Variants in DAPK1 observed in about 807,000 individuals in gnomAD.
The protein encoded by DAPK1 is death-associated protein kinase 1.
DAPK1 carries 56 observed loss-of-function variants against 144.9 expected under a neutral mutation model. That is an observed-to-expected ratio of 0.39 (90% CI 0.31 to 0.48). DAPK1 has a LOEUF of 0.48. Among genes scored for constraint, DAPK1 ranks in the 20% least tolerant of loss-of-function variants. The pLI is 0.95. For synonymous variants in DAPK1, 690 were observed against 749.0 expected, an observed-to-expected ratio of 0.92 and a Z score of 1.29; for missense variants, 1,454 against 1,875.4, an observed-to-expected ratio of 0.78 and a Z score of 4.15.
At position 87,647,337 on chromosome 9, in the gene DAPK1, G is replaced by A. The variant is rs1244348859; in HGVS notation, c.1263G>A (p.Arg421=). The change falls in exon 14 of 26, where the codon CGG becomes CGA. Residue 421 remains arginine, a synonymous_variant. Coordinates refer to ENST00000408954, the MANE Select transcript of DAPK1 (RefSeq NM_004938.4). Reference sequence around the variant, plus strand: ...CCAATGCCGTCTACTGGGCTGCTCGGCATGGCCACGTCGATACCTTGAAAT... The same window carrying A: ...CCAATGCCGTCTACTGGGCTGCTCGACATGGCCACGTCGATACCTTGAAAT... ...GGSNAVYWAA[R]HGHVDTLKFL... The A allele has an allele frequency of 6.2e-7, 1 of 1,614,026 alleles. No individual in the cohort carries two copies. Among genetic ancestry groups the A allele is most frequent in the Admixed American group, 1.7e-5 (1 of 60,010 alleles).
intron 20 of DAPK1, among the ~76,000 whole-genome samples, chr9:87,684,386 C>T (rs1358205826): frequency 6.6e-6 from 1 of 152,120 alleles, no homozygotes; most frequent in African/African-American, 2.4e-5. Flanking sequence ...GTGACCTCTC[C>T]TAGAATTGTC....
chr9:87,508,166 G>A (rs1454578478), intron 2 of DAPK1, among the ~76,000 whole-genome samples: 1 of 147,056 alleles, frequency 6.8e-6, no homozygotes. Flanking sequence ...CACCCGCCAC[G>A]ACGCCCGGCT....
intron 2 of DAPK1, among the ~76,000 whole-genome samples, chr9:87,561,501 G>A (rs1322862017): frequency 6.6e-6 from 1 of 151,102 alleles, no homozygotes; most frequent in African/African-American, 2.4e-5. Flanking sequence ...ACTCCAGCCT[G>A]GGCGACAGAG....
chr9:87,683,460 G>A (rs1824718325), intron 20 of DAPK1, among the ~76,000 whole-genome samples: 1 of 152,188 alleles, frequency 6.6e-6, no homozygotes, highest in Non-Finnish European at 1.5e-5. Context: ...CGCTCCTGCT[G>A]TGGTTAAGGG....
chr9:87,704,124 C>T (rs1825552152), intron 25 of DAPK1, among the ~76,000 whole-genome samples: 1 of 152,204 alleles, frequency 6.6e-6, no homozygotes, highest in Non-Finnish European at 1.5e-5. Flanking sequence ...GCAGTAATTT[C>T]ATCAGCCTTT....
chr9:87,632,922 A>ATATAT (rs1564033114), intron 3 of DAPK1: 1 of 923,294 alleles, frequency 1.1e-6, no homozygotes, highest in African/African-American at 1.9e-5. Context: ...ATATATATAT[A>ATATAT]AATGAAGGGT....
intron 3 of DAPK1, among the ~76,000 whole-genome samples, chr9:87,614,410 G>C (rs1364049472): frequency 3.9e-5 from 6 of 152,196 alleles, no homozygotes; most frequent in African/African-American, 1.4e-4. Context: ...CCATGATCGT[G>C]GTTAAAGTTT....
intron 2 of DAPK1, among the ~76,000 whole-genome samples, chr9:87,544,275 C>A (rs1826157599): frequency 6.6e-6 from 1 of 152,096 alleles, no homozygotes; most frequent in Non-Finnish European, 1.5e-5. Flanking sequence ...CAACATAATT[C>A]ATTATCTAAA....
At chr9:87,667,043 G>A (rs1157266994) in intron 18 of DAPK1, among the ~76,000 whole-genome samples, 1 of 152,192 alleles carries the variant, frequency 6.6e-6, no homozygotes, top group Non-Finnish European at 1.5e-5. Flanking sequence ...CAGTGTCTGT[G>A]TGGGAGCTGG....
intron 2 of DAPK1, among the ~76,000 whole-genome samples, chr9:87,546,671 C>T (rs563536862): frequency 2.0e-5 from 3 of 152,262 alleles, no homozygotes; most frequent in South Asian, 2.1e-4. Flanking sequence ...GGTGACAAGA[C>T]GAATGAGCCT....
chr9:87,657,920 C>T, intron 17 of DAPK1, 109 bp from the exon 18 acceptor site: 2 of 709,740 alleles, frequency 2.8e-6, no homozygotes, highest in Non-Finnish European at 5.2e-6. Context: ...ATGGCTCCTT[C>T]CTCCTTTCTG....
intron 2 of DAPK1, among the ~76,000 whole-genome samples, chr9:87,521,568 T>C (rs1825298403): frequency 6.6e-6 from 1 of 152,220 alleles, no homozygotes; most frequent in Non-Finnish European, 1.5e-5. Flanking sequence ...AGAACTCAGC[T>C]GCCATGTCCT....
At chr9:87,541,988 A>G (rs1478095467) in intron 2 of DAPK1, among the ~76,000 whole-genome samples, 2 of 152,228 alleles carry the variant, frequency 1.3e-5, no homozygotes, top group African/African-American at 4.8e-5. Context: ...AGAAATAGAA[A>G]TCCTCAGATT....
At position 87,639,427 on chromosome 9, in the gene DAPK1, A is replaced by G; in HGVS notation, c.497A>G (p.His166Arg). Residue 166 changes from histidine to arginine, a missense_variant, in exon 5 of 26, where the codon CAT becomes CGT. His to Arg is a conservative substitution (Grantham distance 29). Coordinates refer to ENST00000408954, the MANE Select transcript of DAPK1 (RefSeq NM_004938.4). ...RIKIIDFGLAHKIDFGNEFKN... is the reference protein window; with the variant it reads ...RIKIIDFGLARKIDFGNEFKN... ...AAGATCATTGACTTTGGGTTGGCCCATAAAATTGACTTTGGAAATGAATTT... is the reference window on the plus strand; with the variant it reads ...AAGATCATTGACTTTGGGTTGGCCCGTAAAATTGACTTTGGAAATGAATTT... 4.3e-6 allele frequency: 7 copies of G among 1,613,632 alleles called. No individual in the cohort carries two copies. The highest frequency in any genetic ancestry group is 5.9e-6 in the Non-Finnish European group (7 of 1,179,926).
In DAPK1 at chr9:87,647,316, T is replaced by A. The variant is rs771098049; in HGVS notation, c.1242T>A (p.Asn414Lys). 6.2e-7 allele frequency: 1 copy of A among 1,614,186 alleles called. No homozygotes were observed. The highest frequency in any genetic ancestry group is 8.5e-7 in the Non-Finnish European group (1 of 1,180,024). ...TGATTTTCCTGCAGGGCGGGTCCAA[T>A]GCCGTCTACTGGGCTGCTCGGCATG... The part of the protein sequence containing the change: ...RIDVQDKGGS[N>K]AVYWAARHGH... Residue 414 changes from asparagine to lysine, a missense_variant, in exon 14 of 26, where the codon AAT (asparagine) becomes AAA (lysine). Transcript: ENST00000408954.
At chr9:87,547,390 T>C (rs1826288814) in intron 2 of DAPK1, among the ~76,000 whole-genome samples, 1 of 152,224 alleles carries the variant, frequency 6.6e-6, no homozygotes, top group Non-Finnish European at 1.5e-5. Flanking sequence ...GTGGACATGT[T>C]CTGTATCTGT....
rs7865920 is a variant in DAPK1 at position 87,563,421 on chromosome 9, G to T, written c.63-41533G>T. ...CTAACACTATTTATTTCCACTCTGG[G>T]ATGGGTTGTAGTGTTCATGGTCTCA... On this transcript the variant is annotated intron_variant, in intron 2 of 25. Transcript: ENST00000408954. Among the ~76,000 whole-genome samples the T allele has an allele frequency of 2.0e-5, 3 of 151,990 alleles. No homozygotes were observed. In the East Asian group the frequency reaches 5.8e-4, roughly 29 times the overall value.
chr9:87,678,199 A>G (rs2119321215), intron 19 of DAPK1, among the ~76,000 whole-genome samples: 1 of 152,248 alleles, frequency 6.6e-6, no homozygotes, highest in South Asian at 2.1e-4. Context: ...TTTACAACAC[A>G]CCTTGTGTCA....
At position 87,552,499 on chromosome 9, in the gene DAPK1, A is replaced by G. The variant is rs545012134; in HGVS notation, c.63-52455A>G. On this transcript the variant is annotated intron_variant, in intron 2 of 25. Coordinates refer to ENST00000408954, the MANE Select transcript of DAPK1 (RefSeq NM_004938.4). Reference sequence around the variant, plus strand: ...AATTTTCTCTAGCACCTGGGCAGACATAGGCAGTTGTGGCATCTCTTTTTA... The same window carrying G: ...AATTTTCTCTAGCACCTGGGCAGACGTAGGCAGTTGTGGCATCTCTTTTTA... 2.9e-3 allele frequency among the ~76,000 whole-genome samples: 444 copies of G among 152,334 alleles called. 4 individuals are homozygous for G. The highest frequency in any genetic ancestry group is 0.01 in the African/African-American group (434 of 41,584).
Sources: gnomAD v4.1 joint callset for allele counts (sites outside exome capture counted in the v4.1 genomes callset) on GRCh38, gnomAD v4.1.1 for gene constraint, MANE v1.5 for transcripts, NCBI Gene and HGNC (gene_info 2026-07-23, HGNC 2026-07-21) for gene names.